Variants in GPR158 observed in about 807,000 individuals in gnomAD.
GPR158 encodes the protein G protein-coupled receptor 158.
A neutral mutation model predicts 78.2 loss-of-function variants in GPR158; 30 were observed. That is an observed-to-expected ratio of 0.38 (90% confidence interval 0.29 to 0.52). The LOEUF is 0.52. Ranked by LOEUF, GPR158 falls within the 20% of genes least tolerant of loss-of-function variation. The pLI is 0.83. For missense variants in GPR158, 1,463 were observed against 1,523.5 expected (o/e 0.96, Z 0.66); for synonymous variants, 581 against 591.1 (o/e 0.98, Z 0.25).
At chr10:25,368,536 T>A (rs1588828859) in intron 2 of GPR158, among the ~76,000 whole-genome samples, 1 of 151,978 alleles carries the variant, frequency 6.6e-6, no homozygotes, top group East Asian at 1.9e-4. Context: ...CACAGTGAGA[T>A]ACCATCTGAA....
chr10:25,300,034 A>G (rs1854569444), intron 2 of GPR158, among the ~76,000 whole-genome samples: 2 of 152,166 alleles, frequency 1.3e-5, no homozygotes, highest in African/African-American at 4.8e-5. Context: ...CTGGGATTAC[A>G]GGTGTGAGCC....
intron 6 of GPR158, among the ~76,000 whole-genome samples, chr10:25,570,234 G>A (rs1370824373): frequency 6.6e-6 from 1 of 152,114 alleles, no homozygotes; most frequent in Non-Finnish European, 1.5e-5. Context: ...AATTACAATG[G>A]AAACCTTCTT....
At chr10:25,323,196 A>G (rs377027712) in intron 2 of GPR158, among the ~76,000 whole-genome samples, 24 of 152,260 alleles carry the variant, frequency 1.6e-4, no homozygotes, top group African/African-American at 4.8e-4. Flanking sequence ...AAGCCATGCT[A>G]TACACAGTAA....
At chr10:25,424,368 G>A (rs1834791427) in intron 4 of GPR158, among the ~76,000 whole-genome samples, 2 of 152,296 alleles carry the variant, frequency 1.3e-5, no homozygotes, top group South Asian at 4.1e-4. Context: ...CTTTTGCTGT[G>A]CAGAAGCTCT....
intron 6 of GPR158, among the ~76,000 whole-genome samples, chr10:25,561,021 A>G (rs2130721342): frequency 6.6e-6 from 1 of 152,264 alleles, no homozygotes; most frequent in East Asian, 1.9e-4. Context: ...TAAGAGTAAG[A>G]GCAGATCAAG....
At chr10:25,376,917 T>C (rs1015594083) in intron 2 of GPR158, among the ~76,000 whole-genome samples, 1 of 151,560 alleles carries the variant, frequency 6.6e-6, no homozygotes, top group Non-Finnish European at 1.5e-5. Flanking sequence ...TATGATTATA[T>C]ATGTAAAATT....
intron 4 of GPR158, among the ~76,000 whole-genome samples, chr10:25,461,119 G>C (rs759106283): frequency 4.6e-5 from 7 of 152,016 alleles, no homozygotes; most frequent in Non-Finnish European, 1.0e-4. Flanking sequence ...GTTGAAATTA[G>C]GCCAATTAAT....
chr10:25,380,269 A>C (rs2130563944), intron 2 of GPR158, among the ~76,000 whole-genome samples: 1 of 152,252 alleles, frequency 6.6e-6, no homozygotes, highest in Non-Finnish European at 1.5e-5. Flanking sequence ...CCAAACAGTA[A>C]TCATTATCCT....
intron 2 of GPR158, among the ~76,000 whole-genome samples, chr10:25,370,677 A>G (rs949968862): frequency 6.7e-6 from 1 of 150,328 alleles, no homozygotes; most frequent in African/African-American, 2.5e-5. Flanking sequence ...GTAGATGTCT[A>G]TTAGGTCCGC....
At position 25,601,590 on chromosome 10, in the gene GPR158, T is replaced by C. The variant is rs1045653662; in HGVS notation, c.*2316T>C. 1 of 152,648 alleles carries C rather than the reference T, an allele frequency of 6.6e-6. No homozygotes were observed. The highest frequency in any genetic ancestry group is 1.5e-5 in the Non-Finnish European group (1 of 68,044). 9.5% of individuals were successfully genotyped at this position (152,648 alleles called of 1,614,324 possible). A position where few individuals can be genotyped will look rare whatever the true frequency, so the allele number is the denominator to read the frequency against. On this transcript the variant is annotated 3_prime_UTR_variant, in exon 11 of 11. Coordinates refer to ENST00000376351, the MANE Select transcript of GPR158 (RefSeq NM_020752.3). ...CTTGCCAAATTATATCTTAGCGACA[T>C]TCTATAGTTCATAGATTATTCTCCA...
chr10:25,504,388 G>T (rs972257996), intron 5 of GPR158, among the ~76,000 whole-genome samples: 3 of 152,086 alleles, frequency 2.0e-5, no homozygotes, highest in Non-Finnish European at 2.9e-5. Context: ...ATCTTTATTT[G>T]CTCCAAGGGG....
intron 2 of GPR158, among the ~76,000 whole-genome samples, chr10:25,241,535 C>T (rs1366106087): frequency 2.0e-5 from 3 of 151,536 alleles, no homozygotes; most frequent in Non-Finnish European, 2.9e-5. Flanking sequence ...ATTTTCCTGC[C>T]TCAGCCTCCT....
chr10:25,191,449 T>A (rs1057231407), intron 1 of GPR158, among the ~76,000 whole-genome samples: 90 of 152,236 alleles, frequency 5.9e-4, no homozygotes, highest in African/African-American at 2.1e-3. Context: ...CCTGATAATA[T>A]GTTCCCAGGC....
At chr10:25,335,730 G>A (rs747161326) in intron 2 of GPR158, among the ~76,000 whole-genome samples, 1 of 151,914 alleles carries the variant, frequency 6.6e-6, no homozygotes, top group Non-Finnish European at 1.5e-5. Context: ...TACCTTAGTT[G>A]TTTCGTATTT....
intron 5 of GPR158, among the ~76,000 whole-genome samples, chr10:25,516,379 A>T (rs1836174413): frequency 6.6e-6 from 1 of 151,588 alleles, no homozygotes; most frequent in Non-Finnish European, 1.5e-5. Flanking sequence ...GTTTAATTAG[A>T]TCCCATTTGT....
intron 2 of GPR158, among the ~76,000 whole-genome samples, chr10:25,263,466 G>A (rs1291870306): frequency 6.6e-6 from 1 of 152,014 alleles, no homozygotes; most frequent in Admixed American, 6.5e-5. Flanking sequence ...CTCCAACTTT[G>A]TTCTCCTTCT....
intron 2 of GPR158, among the ~76,000 whole-genome samples, chr10:25,294,635 T>A (rs1333731444): frequency 3.4e-5 from 5 of 147,732 alleles, no homozygotes; most frequent in South Asian, 2.2e-4. Flanking sequence ...AAAAAAAAAA[T>A]GGCAACCTCT....
At chr10:25,523,860 G>C (rs1352223450) in intron 5 of GPR158, among the ~76,000 whole-genome samples, 2 of 151,850 alleles carry the variant, frequency 1.3e-5, no homozygotes, top group Non-Finnish European at 2.9e-5. Context: ...GAAAAAAAAG[G>C]CTTTTACTTT....
intron 2 of GPR158, among the ~76,000 whole-genome samples, chr10:25,330,592 T>C (rs1387544804): frequency 6.6e-6 from 1 of 152,254 alleles, no homozygotes; most frequent in African/African-American, 2.4e-5. Context: ...ATCTTGGGAA[T>C]GTTTAGGAAA....
Sources: allele counts gnomAD v4.1 joint callset (sites outside exome capture counted in the v4.1 genomes callset), GRCh38; gene constraint gnomAD v4.1.1; transcripts MANE v1.5; gene names NCBI Gene and HGNC (gene_info 2026-07-23, HGNC 2026-07-21).